BMP7: variants seen among roughly 807,000 people sequenced by gnomAD.
BMP7 encodes osteogenic protein 1.
BMP7 carries 12 observed loss-of-function variants against 41.2 expected under a neutral mutation model. The ratio of observed to expected loss-of-function variants is 0.29; its 90% CI spans 0.19 to 0.47. BMP7 has a LOEUF of 0.47. BMP7 is among the 20% of genes least tolerant of loss of function. The pLI is 0.99. For synonymous variants in BMP7, 248 were observed against 250.0 expected, an observed-to-expected ratio of 0.99 and a Z score of 0.07; for missense variants, 467 against 606.0, an observed-to-expected ratio of 0.77 and a Z score of 2.41.
rs1264835182 is a variant in BMP7 at position 57,224,019 on chromosome 20, A to T, written c.611+4210T>A. 6.6e-6 allele frequency among the ~76,000 whole-genome samples: 1 copy of T among 152,176 alleles called. No individual in the cohort carries two copies. The highest frequency in any genetic ancestry group is 1.5e-5 in the Non-Finnish European group (1 of 68,026). ...CTTCTCAGGTTTATGGACCAAAATCATCACGGCGTCCCCAGGGAGCTTCTC... is the reference window on the plus strand; with the variant it reads ...CTTCTCAGGTTTATGGACCAAAATCTTCACGGCGTCCCCAGGGAGCTTCTC... On this transcript the variant is annotated intron_variant, in intron 2 of 6. Coordinates refer to ENST00000395863, the MANE Select transcript of BMP7 (RefSeq NM_001719.3). This position sits in a 1 kb window ranked among gnomAD's most constrained non-coding sequence, Gnocchi z 4.8.
Position 57,243,000 on chromosome 20 carries a change from T to A in BMP7, c.419-14579A>T, listed in dbSNP as rs143495853. On this transcript the variant is annotated intron_variant, in intron 1 of 6. Transcript: ENST00000395863. Reference sequence around the variant, plus strand: ...CCTGGGCAACAGAGCAAAAATTCCATCTCAAAAAATAAAATAAAATCTAAA... The same window carrying A: ...CCTGGGCAACAGAGCAAAAATTCCAACTCAAAAAATAAAATAAAATCTAAA... Among the ~76,000 whole-genome samples the A allele has an allele frequency of 5.4e-3, 817 of 151,816 alleles. 5 individuals are homozygous for A. Among genetic ancestry groups the A allele is most frequent in the Non-Finnish European group, 8.2e-3 (556 of 67,938 alleles).
At chr20:57,219,193 G>T (rs908740327) in intron 2 of BMP7, among the ~76,000 whole-genome samples, 10 of 142,952 alleles carry the variant, frequency 7.0e-5, no homozygotes, top group Non-Finnish European at 8.8e-5. Context: ...TTTGTTCAGT[G>T]GTAGCTGGTG....
chr20:57,196,113 G>A (rs1984485090), intron 3 of BMP7, among the ~76,000 whole-genome samples: 1 of 152,154 alleles, frequency 6.6e-6, no homozygotes, highest in African/African-American at 2.4e-5. Flanking sequence ...AGGAAGAGGA[G>A]GGAGACACCA....
At chr20:57,222,508 C>T (rs80231179) in intron 2 of BMP7, among the ~76,000 whole-genome samples, 4 of 151,924 alleles carry the variant, frequency 2.6e-5, no homozygotes, top group Non-Finnish European at 5.9e-5. Context: ...GAACCAAAGG[C>T]ATTAAGGGCC....
Position 57,171,345 on chromosome 20 carries a change from A to G in BMP7, c.1147-237T>C, listed in dbSNP as rs1983812061. Among the ~76,000 whole-genome samples the G allele has an allele frequency of 6.6e-6, 1 of 152,154 alleles. No individual in the cohort carries two copies. The highest frequency in any genetic ancestry group is 2.1e-4 in the South Asian group (1 of 4,822). On this transcript the variant is annotated intron_variant, in intron 6 of 6. Coordinates refer to ENST00000395863, the MANE Select transcript of BMP7 (RefSeq NM_001719.3). The surrounding 1 kb of genome is among the most constrained non-coding windows in gnomAD (Gnocchi z 4.5). Reference sequence around the variant, plus strand: ...GAGGTTTTCACATTATACAGTGGGGAAGGAAGGGGCCAGATCCGACATTCA... The same window carrying G: ...GAGGTTTTCACATTATACAGTGGGGGAGGAAGGGGCCAGATCCGACATTCA...
rs2146032280 is a variant in BMP7, at chr20:57,259,654, G to A, written c.418+6051C>T. Reference sequence around the variant, plus strand: ...CGCGGATCAGCACAGGCTTTGCGCGGCTCCCCACAATGCCTTCCGACACAA... The same window carrying A: ...CGCGGATCAGCACAGGCTTTGCGCGACTCCCCACAATGCCTTCCGACACAA... On this transcript the variant is annotated intron_variant, in intron 1 of 6. Transcript: ENST00000395863. The surrounding 1 kb of genome is among the most constrained non-coding windows in gnomAD (Gnocchi z 4.7). Among the ~76,000 whole-genome samples, 1 of 152,256 alleles carries A rather than the reference G, an allele frequency of 6.6e-6. No individual in the cohort carries two copies. Among genetic ancestry groups the A allele is most frequent in the East Asian group, 1.9e-4 (1 of 5,186 alleles).
intron 2 of BMP7, among the ~76,000 whole-genome samples, chr20:57,221,686 C>T (rs1195113809): frequency 6.6e-6 from 1 of 152,030 alleles, no homozygotes; most frequent in Non-Finnish European, 1.5e-5. Context: ...TGGTGTGTTC[C>T]TATGGTCCTA....
chr20:57,213,263 AG>A lies in BMP7; in HGVS notation c.612-10641del, dbSNP rs1415058463. ...GGAGGCCAGCGTTGTCACAGTCAGA[AG>A]GCGAGTCAGTGGCCCTTATGTTCTA... On this transcript the variant is annotated intron_variant, in intron 2 of 6. Coordinates refer to ENST00000395863, the MANE Select transcript of BMP7 (RefSeq NM_001719.3). This position sits in a 1 kb window ranked among gnomAD's most constrained non-coding sequence, Gnocchi z 4.4. Among the ~76,000 whole-genome samples the A allele has an allele frequency of 2.0e-5, 3 of 152,232 alleles. No individual in the cohort carries two copies.
chr20:57,187,554 C>CCTCTCTCTCTCT (rs140073062), intron 3 of BMP7, among the ~76,000 whole-genome samples: 216 of 144,104 alleles, frequency 1.5e-3, no homozygotes, highest in Non-Finnish European at 2.5e-3. Flanking sequence ...GGAAGCCTGC[C>CCTCTCTCTCTCT]CTCTCTCTCT....
Position 57,171,002 on chromosome 20 carries a change from T to C in BMP7, c.1253A>G (p.Lys418Arg). Reference protein sequence around the residue: ...YFDDSSNVILKKYRNMVVRAC... With the variant: ...YFDDSSNVILRKYRNMVVRAC... ...CCGGACCACCATGTTTCTGTATTTC[T>C]TCAGGATGACGTTGGAGCTGTCATC... The change falls in exon 7 of 7, where the codon AAG becomes AGG. Residue 418 changes from lysine to arginine, a missense_variant. Lys to Arg is a conservative substitution (Grantham distance 26). Coordinates refer to ENST00000395863, the MANE Select transcript of BMP7 (RefSeq NM_001719.3). The surrounding 1 kb of genome is among the most constrained non-coding windows in gnomAD (Gnocchi z 4.5). The C allele has an allele frequency of 6.2e-7, 1 of 1,614,122 alleles. No homozygotes were observed. Among genetic ancestry groups the C allele is most frequent in the Non-Finnish European group, 8.5e-7 (1 of 1,180,014 alleles).
At chr20:57,184,193 G>C (rs555214077) in intron 3 of BMP7, among the ~76,000 whole-genome samples, 1 of 152,290 alleles carries the variant, frequency 6.6e-6, no homozygotes, top group South Asian at 2.1e-4. Context: ...CCAGGCTGAG[G>C]GGTGCGGAAG....
rs1029687535 is a variant in BMP7, at chr20:57,174,368, C to T, written c.1035+563G>A. 1.1e-4 allele frequency among the ~76,000 whole-genome samples: 17 copies of T among 152,164 alleles called. No homozygotes were observed. Among genetic ancestry groups the T allele is most frequent in the African/African-American group, 3.6e-4 (15 of 41,424 alleles). On this transcript the variant is annotated intron_variant, in intron 5 of 6. Coordinates refer to ENST00000395863, the MANE Select transcript of BMP7 (RefSeq NM_001719.3). This position sits in a 1 kb window ranked among gnomAD's most constrained non-coding sequence, Gnocchi z 4.3. ...TGAATGAGAATCACACCAGAGCTCACGGCAGGTGGATCACATGACCCTCAC... is the reference window on the plus strand; with the variant it reads ...TGAATGAGAATCACACCAGAGCTCATGGCAGGTGGATCACATGACCCTCAC...
chr20:57,175,036 A>G, intron 4 of BMP7, 29 bp from the exon 5 acceptor site: 1 of 1,598,524 alleles, frequency 6.3e-7, no homozygotes, highest in South Asian at 1.1e-5. Context: ...GAAGAAGCAG[A>G]GCCCAGTGAG....
At chr20:57,225,073 G>A (rs1461979496) in intron 2 of BMP7, among the ~76,000 whole-genome samples, 1 of 152,232 alleles carries the variant, frequency 6.6e-6, no homozygotes, top group Non-Finnish European at 1.5e-5. Context: ...AGAGACAGAG[G>A]CAGCCACATG....
rs573968838 is a variant in BMP7, at chr20:57,170,550, T to C, written c.*409A>G. ...ATTACAGGAACTTCCGGGTCAATTT[T>C]CCTTTCGCACAGACACCAATGTGCC... is the stretch of plus-strand genomic sequence containing the variant. On this transcript the variant is annotated 3_prime_UTR_variant, in exon 7 of 7. Transcript: ENST00000395863. 1 of 280,316 alleles carries C rather than the reference T, an allele frequency of 3.6e-6. No individual in the cohort carries two copies. The highest frequency in any genetic ancestry group is 4.9e-5 in the Admixed American group (1 of 20,270). 17.4% of individuals were successfully genotyped at this position (280,316 alleles called of 1,614,324 possible).
chr20:57,195,224 C>T (rs1984465084), intron 3 of BMP7, among the ~76,000 whole-genome samples: 2 of 152,220 alleles, frequency 1.3e-5, no homozygotes, highest in African/African-American at 4.8e-5. Flanking sequence ...GCAGCCCACC[C>T]ACGCCGCACA....
chr20:57,201,087 C>T (rs933170262), intron 3 of BMP7, among the ~76,000 whole-genome samples: 1 of 152,232 alleles, frequency 6.6e-6, no homozygotes, highest in African/African-American at 2.4e-5. Context: ...CACCTGGTGG[C>T]TGTCTGAGAA....
chr20:57,171,173 G>A lies in BMP7; in HGVS notation c.1147-65C>T, dbSNP rs970948027. On this transcript the variant is annotated intron_variant, in intron 6 of 6. Transcript: ENST00000395863. This position sits in a 1 kb window ranked among gnomAD's most constrained non-coding sequence, Gnocchi z 4.5. ...GTGAGTCGTTCTAACTGGCCTCCAC[G>A]TTTCTATAAAGAAACATCCTGTCTG... 26 of 1,604,724 alleles carry A rather than the reference G, an allele frequency of 1.6e-5. No individual in the cohort carries two copies. In the East Asian group the frequency reaches 1.8e-4, roughly 11 times the overall value.
In BMP7 at chr20:57,214,622, C is replaced by G. The variant is rs1286123863; in HGVS notation, c.612-11999G>C. Among the ~76,000 whole-genome samples the G allele has an allele frequency of 6.6e-6, 1 of 152,138 alleles. No homozygotes were observed. The highest frequency in any genetic ancestry group is 1.5e-5 in the Non-Finnish European group (1 of 68,032). On this transcript the variant is annotated intron_variant, in intron 2 of 6. Coordinates refer to ENST00000395863, the MANE Select transcript of BMP7 (RefSeq NM_001719.3). This position sits in a 1 kb window ranked among gnomAD's most constrained non-coding sequence, Gnocchi z 4.0. ...TGTTTCCGCTGCCTGCAACACTGTT[C>G]CCTGCCTTTTCACCTCCCTCACACC...
Sources: allele counts gnomAD v4.1 joint callset (sites outside exome capture counted in the v4.1 genomes callset), GRCh38; gene constraint gnomAD v4.1.1; non-coding constraint Gnocchi (gnomAD v3.1); transcripts MANE v1.5; gene names NCBI Gene and HGNC (gene_info 2026-07-23, HGNC 2026-07-21).